The following TDRP variants were observed in gnomAD, a reference collection of about 807,000 sequenced individuals.
TDRP encodes the protein testis development-related protein.
Under a neutral mutation model 10.5 loss-of-function variants are expected in TDRP, and 12 were observed. That is an observed-to-expected ratio of 1.15 (90% CI 0.73 to 1.86). The LOEUF (loss-of-function observed/expected upper bound fraction) is 1.86. TDRP is among the 40% of genes most tolerant of loss of function. TDRP has a pLI of 0.00. For missense variants in TDRP, 353 were observed against 229.2 expected (o/e 1.54, Z -3.49); for synonymous variants, 139 against 95.4 (o/e 1.46, Z -2.67).
intron 1 of TDRP, among the ~76,000 whole-genome samples, chr8:515,145 C>G (rs1801724070): frequency 6.6e-6 from 1 of 152,142 alleles, no homozygotes; most frequent in Admixed American, 6.5e-5. Flanking sequence ...GAAGACGGCA[C>G]TGATGTATGT....
chr8:506,015 G>T (rs1440152403), intron 1 of TDRP, among the ~76,000 whole-genome samples: 1 of 152,158 alleles, frequency 6.6e-6, no homozygotes, highest in South Asian at 2.1e-4. Flanking sequence ...GTGGCCTAAT[G>T]GCTGGGGGTC....
At chr8:506,998 C>T (rs898401119) in intron 1 of TDRP, among the ~76,000 whole-genome samples, 2 of 152,168 alleles carry the variant, frequency 1.3e-5, no homozygotes, top group Non-Finnish European at 2.9e-5. Context: ...AATTGACTCA[C>T]AGTTCTGCAA....
intron 1 of TDRP, among the ~76,000 whole-genome samples, chr8:525,644 T>C (rs1335611080): frequency 1.3e-5 from 2 of 152,164 alleles, no homozygotes; most frequent in Admixed American, 6.6e-5. Context: ...ATGGGTTATA[T>C]TATTTGCAAG....
intron 1 of TDRP, among the ~76,000 whole-genome samples, chr8:533,260 C>T (rs1802256177): frequency 6.6e-6 from 1 of 152,190 alleles, no homozygotes; most frequent in Non-Finnish European, 1.5e-5. Flanking sequence ...CTGGGCTCCT[C>T]AACTCTGGAC....
intron 1 of TDRP, among the ~76,000 whole-genome samples, chr8:539,142 T>C (rs1802425532): frequency 6.6e-6 from 1 of 152,186 alleles, no homozygotes; most frequent in South Asian, 2.1e-4. Context: ...GACTGAATGT[T>C]TGTGTCCCCA....
At chr8:537,495 G>C (rs1052776677) in intron 1 of TDRP, among the ~76,000 whole-genome samples, 1 of 152,184 alleles carries the variant, frequency 6.6e-6, no homozygotes, top group Non-Finnish European at 1.5e-5. Context: ...CTGTTTGCCA[G>C]AGAAAAATAT....
intron 1 of TDRP, among the ~76,000 whole-genome samples, chr8:503,249 C>T (rs912780075): frequency 6.6e-6 from 1 of 151,110 alleles, no homozygotes; most frequent in African/African-American, 2.4e-5. Context: ...CACACACCAA[C>T]ATGGAATCCA....
At chr8:505,156 C>T (rs1801422040) in intron 1 of TDRP, among the ~76,000 whole-genome samples, 1 of 152,172 alleles carries the variant, frequency 6.6e-6, no homozygotes, top group Non-Finnish European at 1.5e-5. Context: ...AAATTCTCAA[C>T]ACTGCCTACC....
At chr8:509,175 CT>C (rs1338651514) in intron 1 of TDRP, among the ~76,000 whole-genome samples, 1 of 152,230 alleles carries the variant, frequency 6.6e-6, no homozygotes, top group African/African-American at 2.4e-5. Context: ...GTGTCTGCAG[CT>C]TTTCCAGGCA....
At chr8:544,852 G>C, upstream of TDRP, 2 of 974,892 alleles carry the variant, frequency 2.1e-6, no homozygotes, top group Non-Finnish European at 1.3e-6. Context: ...GCTCCTGCGG[G>C]ACGCGGGCCC....
intron 1 of TDRP, among the ~76,000 whole-genome samples, chr8:512,826 G>C (rs531403457): frequency 6.6e-6 from 1 of 151,746 alleles, no homozygotes; most frequent in Admixed American, 6.5e-5. Context: ...ACAAAAATTA[G>C]CTGGGCATGG....
chr8:490,820 T>G lies in TDRP; in HGVS notation c.*1579A>C, dbSNP rs1467484592. 1 of 152,180 alleles carries G rather than the reference T, an allele frequency of 6.6e-6. No homozygotes were observed. Among genetic ancestry groups the G allele is most frequent in the African/African-American group, 2.4e-5 (1 of 41,430 alleles). The allele number at this position is 152,180 out of a possible 1,614,324, so 9.4% of individuals were successfully genotyped here. A position where few individuals can be genotyped will look rare whatever the true frequency, so the allele number is the denominator to read the frequency against. ...TCTAATACAAGCTGGAATTTTTGTT[T>G]GAACACCAATTGAAACATGTCCCCC... is the stretch of plus-strand genomic sequence containing the variant. On this transcript the variant is annotated 3_prime_UTR_variant, in exon 3 of 3. Transcript: ENST00000324079.
Position 492,670 on chromosome 8 carries a change from T to C in TDRP, c.287A>G (p.Gln96Arg). 1 of 1,614,018 alleles carries C rather than the reference T, an allele frequency of 6.2e-7. No individual in the cohort carries two copies. ...SGFWDNLVLK[Q>R]NIQSKKPDEI... ...ATCTGGTTTTTTAGACTGTATATTC[T>C]GTTTTAAAACCAAATTGTCCCAAAA... The change falls in exon 3 of 3, where the codon CAG (glutamine) becomes CGG (arginine). Residue 96 changes from glutamine to arginine, a missense_variant. Transcript: ENST00000324079.
chr8:499,129 T>C (rs1801216225), intron 1 of TDRP, among the ~76,000 whole-genome samples: 1 of 152,182 alleles, frequency 6.6e-6, no homozygotes, highest in Admixed American at 6.5e-5. Context: ...GAAATGAGAA[T>C]TATTGAAATA....
chr8:493,956 CT>C (rs1165525402), intron 2 of TDRP, among the ~76,000 whole-genome samples: 3 of 124,508 alleles, frequency 2.4e-5, no homozygotes, highest in African/African-American at 3.0e-5. Flanking sequence ...AGTACAGTTT[CT>C]TTTTTTTTCA....
chr8:490,353 G>C lies in TDRP; in HGVS notation c.*2046C>G, dbSNP rs1387130820. On this transcript the variant is annotated 3_prime_UTR_variant, in exon 3 of 3. Coordinates refer to ENST00000324079, the MANE Select transcript of TDRP (RefSeq NM_001384899.1). Reference sequence around the variant, plus strand: ...ATCTGGGTTTGTCCTCAAATTTTGAGAAATAGCATAAAGAACTATTTTGCC... The same window carrying C: ...ATCTGGGTTTGTCCTCAAATTTTGACAAATAGCATAAAGAACTATTTTGCC... The C allele has an allele frequency of 6.6e-6, 1 of 152,190 alleles. No homozygotes were observed. Among genetic ancestry groups the C allele is most frequent in the Admixed American group, 6.5e-5 (1 of 15,280 alleles). The allele number at this position is 152,190 out of a possible 1,614,324, so 9.4% of individuals were successfully genotyped here. A position where few individuals can be genotyped will look rare whatever the true frequency, so the allele number is the denominator to read the frequency against.
In TDRP at chr8:491,616, A is replaced by C. The variant is rs532450503; in HGVS notation, c.*783T>G. The stretch of plus-strand genomic sequence containing the variant: ...CTTAACTCTCTATAATGAGCAAGAC[A>C]ATGTTTCCTAAATGAAATTATCAAC... On this transcript the variant is annotated 3_prime_UTR_variant, in exon 3 of 3. Coordinates refer to ENST00000324079, the MANE Select transcript of TDRP (RefSeq NM_001384899.1). 8 of 1,531,218 alleles carry C rather than the reference A, an allele frequency of 5.2e-6. No individual in the cohort carries two copies. The highest frequency in any genetic ancestry group is 4.0e-5 in the Admixed American group (2 of 49,906). 94.9% of individuals were successfully genotyped at this position (1,531,218 alleles called of 1,614,324 possible).
intron 2 of TDRP, among the ~76,000 whole-genome samples, chr8:493,106 A>T (rs1801026066): frequency 6.6e-6 from 1 of 152,228 alleles, no homozygotes; most frequent in Non-Finnish European, 1.5e-5. Context: ...GAAACAAGGG[A>T]AATCTATTCA....
At chr8:540,649 A>T (rs922104178) in intron 1 of TDRP, among the ~76,000 whole-genome samples, 3 of 152,202 alleles carry the variant, frequency 2.0e-5, no homozygotes, top group Non-Finnish European at 4.4e-5. Flanking sequence ...TTATGACCAA[A>T]AAAAAGGGCC....
Sources: gnomAD v4.1 joint callset for allele counts (sites outside exome capture counted in the v4.1 genomes callset) on GRCh38, gnomAD v4.1.1 for gene constraint, MANE v1.5 for transcripts, NCBI Gene and HGNC (gene_info 2026-07-23, HGNC 2026-07-21) for gene names.